The following CERS6 variants were observed in gnomAD, a reference collection of about 807,000 sequenced individuals.
CERS6 encodes the protein LAG1 homolog, ceramide synthase 6.
Under a neutral mutation model 56.8 loss-of-function variants are expected in CERS6, and 26 were observed. That is an observed-to-expected ratio of 0.46 (90% CI 0.34 to 0.63). The LOEUF (loss-of-function observed/expected upper bound fraction) is 0.63, where lower values mean the gene tolerates loss of function less well. Ranked by LOEUF, CERS6 falls within the 30% of genes least tolerant of loss-of-function variation. The pLI is 0.01. For missense variants in CERS6, 415 were observed against 467.5 expected (o/e 0.89, Z 1.04); for synonymous variants, 164 against 173.3 (o/e 0.95, Z 0.42).
intron 8 of CERS6, among the ~76,000 whole-genome samples, chr2:168,761,844 A>G (rs1053152829): frequency 1.3e-5 from 2 of 152,196 alleles, no homozygotes; most frequent in African/African-American, 4.8e-5. Flanking sequence ...TATAGGCATT[A>G]TCCTAATTTA....
At chr2:168,740,491 A>G (rs1462235738) in intron 8 of CERS6, among the ~76,000 whole-genome samples, 3 of 152,224 alleles carry the variant, frequency 2.0e-5, no homozygotes, top group African/African-American at 7.2e-5. Flanking sequence ...AGGAGGGCAG[A>G]GACATGAATC....
chr2:168,559,730 G>GTTATATATATA (rs1695749891), intron 2 of CERS6, among the ~76,000 whole-genome samples: 1 of 7,860 alleles, frequency 1.3e-4, no homozygotes, highest in South Asian at 9.3e-3. Context: ...TTTTAGAAAG[G>GTTATATATATA]TATCATATAT....
chr2:168,580,240 A>T (rs373419757), intron 3 of CERS6, among the ~76,000 whole-genome samples: 1 of 151,992 alleles, frequency 6.6e-6, no homozygotes, highest in African/African-American at 2.4e-5. Flanking sequence ...TCATTTTTAC[A>T]TGCTTTTACA....
intron 1 of CERS6, among the ~76,000 whole-genome samples, chr2:168,484,167 GTTTTTTTTTTTTTTTTTTT>G (rs34492119): frequency 7.8e-5 from 4 of 51,610 alleles, no homozygotes; most frequent in East Asian, 5.2e-4. Context: ...TCTTTTTTCT[GTTTTTTTTTTTTTTTTTTT>G]TTTTTTTTTT....
intron 1 of CERS6, among the ~76,000 whole-genome samples, chr2:168,509,592 G>A (rs1694742236): frequency 6.6e-6 from 1 of 152,178 alleles, no homozygotes; most frequent in South Asian, 2.1e-4. Flanking sequence ...CTATGAATGG[G>A]AATGTCGGGT....
At chr2:168,673,464 CG>C (rs1287005389) in intron 4 of CERS6, among the ~76,000 whole-genome samples, 2 of 152,146 alleles carry the variant, frequency 1.3e-5, no homozygotes, top group Non-Finnish European at 2.9e-5. Context: ...TTCGTGGGGT[CG>C]GTCAGTACCA....
chr2:168,720,176 C>T (rs899546691), intron 8 of CERS6, among the ~76,000 whole-genome samples: 1 of 151,756 alleles, frequency 6.6e-6, no homozygotes, highest in South Asian at 2.1e-4. Flanking sequence ...GTGATCCACC[C>T]GCCTCGGCCT....
At chr2:168,534,234 C>T (rs943531806) in intron 1 of CERS6, among the ~76,000 whole-genome samples, 4 of 152,096 alleles carry the variant, frequency 2.6e-5, no homozygotes, top group African/African-American at 9.7e-5. Context: ...TTGTCCATCT[C>T]ATCCTCCGTC....
chr2:168,646,081 G>C (rs1435285919), intron 4 of CERS6, among the ~76,000 whole-genome samples: 2 of 152,142 alleles, frequency 1.3e-5, no homozygotes, highest in Non-Finnish European at 2.9e-5. Flanking sequence ...GGGTTAAATG[G>C]TAGTTCTGCT....
At chr2:168,457,579 C>T (rs1054346745) in intron 1 of CERS6, among the ~76,000 whole-genome samples, 1 of 152,120 alleles carries the variant, frequency 6.6e-6, no homozygotes, top group African/African-American at 2.4e-5. Context: ...CTTCCCCTTT[C>T]TTGTACCCTC....
At chr2:168,505,942 T>C (rs16855415) in intron 1 of CERS6, among the ~76,000 whole-genome samples, 8,679 of 152,254 alleles carry the variant, frequency 0.057, 416 homozygotes, top group East Asian at 0.18. Flanking sequence ...TGTCTTTTGC[T>C]CCTTAGATTG....
At chr2:168,497,099 T>C (rs531895785) in intron 1 of CERS6, among the ~76,000 whole-genome samples, 1 of 152,264 alleles carries the variant, frequency 6.6e-6, no homozygotes, top group African/African-American at 2.4e-5. Context: ...CCACAGTTTA[T>C]AGGGGGCGTG....
intron 2 of CERS6, among the ~76,000 whole-genome samples, chr2:168,549,515 G>A (rs1261452059): frequency 2.6e-5 from 4 of 152,050 alleles, no homozygotes; most frequent in African/African-American, 9.7e-5. Context: ...GGTGCCTGTA[G>A]TCCCAGCTAC....
At chr2:168,478,264 G>A (rs761424307) in intron 1 of CERS6, among the ~76,000 whole-genome samples, 7 of 152,028 alleles carry the variant, frequency 4.6e-5, no homozygotes, top group Non-Finnish European at 1.0e-4. Context: ...TCCTGTTTTG[G>A]TCACTGTACT....
intron 3 of CERS6, among the ~76,000 whole-genome samples, chr2:168,600,951 A>G (rs1683919630): frequency 6.6e-6 from 1 of 152,220 alleles, no homozygotes; most frequent in African/African-American, 2.4e-5. Flanking sequence ...AAATATTTTC[A>G]GTGCATCTAA....
chr2:168,605,992 T>G (rs762817134), intron 3 of CERS6, among the ~76,000 whole-genome samples: 6 of 152,110 alleles, frequency 3.9e-5, no homozygotes, highest in Non-Finnish European at 5.9e-5. Context: ...TGCCTAGCAT[T>G]ACTGTGAGAA....
intron 3 of CERS6, among the ~76,000 whole-genome samples, chr2:168,628,300 G>C (rs1245715829): frequency 6.6e-6 from 1 of 152,084 alleles, no homozygotes; most frequent in African/African-American, 2.4e-5. Flanking sequence ...TGTGTGGATT[G>C]CCCTCAGCCC....
At chr2:168,496,102 G>A (rs1474597414) in intron 1 of CERS6, among the ~76,000 whole-genome samples, 1 of 152,118 alleles carries the variant, frequency 6.6e-6, no homozygotes, top group Non-Finnish European at 1.5e-5. Flanking sequence ...GTATCTTGAG[G>A]ATTATCCCAT....
At chr2:168,488,607 T>A (rs1041282161) in intron 1 of CERS6, among the ~76,000 whole-genome samples, 9 of 152,118 alleles carry the variant, frequency 5.9e-5, no homozygotes, top group Non-Finnish European at 1.2e-4. Flanking sequence ...TTTCCGTGTA[T>A]TCCCTCAGTT....
Sources: gnomAD v4.1 joint callset for allele counts (sites outside exome capture counted in the v4.1 genomes callset) on GRCh38, gnomAD v4.1.1 for gene constraint, MANE v1.5 for transcripts, NCBI Gene and HGNC (gene_info 2026-07-23, HGNC 2026-07-21) for gene names.